The following ZFHX2 variants were observed in gnomAD, a reference collection of about 807,000 sequenced individuals.
The protein encoded by ZFHX2 is zinc finger homeobox 2, also known as zinc finger homeobox protein 2.
In ZFHX2, 75 loss-of-function variants were observed where a neutral mutation model predicts 164.8. That is an observed-to-expected ratio of 0.46 (90% confidence interval 0.38 to 0.55). The LOEUF (loss-of-function observed/expected upper bound fraction) is 0.55. Ranked by LOEUF, ZFHX2 falls within the 20% of genes least tolerant of loss-of-function variation. ZFHX2 has a pLI of 0.00. For synonymous variants in ZFHX2, 1,217 were observed against 1,351.4 expected, an observed-to-expected ratio of 0.90 and a Z score of 2.18; for missense variants, 2,933 against 3,308.0, an observed-to-expected ratio of 0.89 and a Z score of 2.78.
chr14:23,531,138 G>T, intron 4 of ZFHX2: 1 of 197,730 alleles, frequency 5.1e-6, no homozygotes, highest in Non-Finnish European at 1.0e-5. Flanking sequence ...CACAAAACAG[G>T]TTCTCTCTCC....
intron 6 of ZFHX2, 78 bp downstream of exon 6, chr14:23,529,632 G>A (rs946813201): frequency 1.3e-5 from 18 of 1,337,562 alleles, no homozygotes; most frequent in Admixed American, 2.0e-5. Context: ...ACAAAATTAC[G>A]TCTGCCTTTA....
chr14:23,553,343 T>A (rs1316658445), upstream of ZFHX2, among the ~76,000 whole-genome samples: 1 of 152,198 alleles, frequency 6.6e-6, no homozygotes, highest in Admixed American at 6.5e-5. Flanking sequence ...CTCACTCCTG[T>A]AATCCCAGCA....
chr14:23,537,305 C>A (rs536390391), intron 1 of ZFHX2, among the ~76,000 whole-genome samples: 1 of 152,172 alleles, frequency 6.6e-6, no homozygotes, highest in South Asian at 2.1e-4. Flanking sequence ...ATACTTCCCC[C>A]AAGGTCCCAG....
Position 23,525,750 on chromosome 14 carries a change from G to A in ZFHX2, c.4192C>T (p.Pro1398Ser), listed in dbSNP as rs746572374. ...GCCAGCTCAGCCTTGGGAGGTTGGG[G>A]TGGAGGAGGAGGGGTGGCAGCTGGC... is the stretch of plus-strand genomic sequence containing the variant. ...SLPAATPPPP[P>S]QPPKAELAER... The change falls in exon 9 of 10, where the codon CCC becomes TCC. Residue 1398 changes from proline (P) to serine (S), a missense_variant. By Grantham distance (74) the Pro-to-Ser change is moderately conservative. Transcript: ENST00000419474. This position sits in a 1 kb window ranked among gnomAD's most constrained non-coding sequence, Gnocchi z 5.9. 1.5e-5 allele frequency: 23 copies of A among 1,509,194 alleles called. No homozygotes were observed. The Middle Eastern group carries it at 6.9e-4, about 45-fold the overall frequency. 93.5% of individuals were successfully genotyped at this position (1,509,194 alleles called of 1,614,324 possible).
Position 23,533,659 on chromosome 14 carries a change from G to A in ZFHX2, c.1667C>T (p.Pro556Leu). The A allele has an allele frequency of 6.5e-7, 1 of 1,537,412 alleles. No homozygotes were observed. The change falls in exon 2 of 10, where the codon CCC becomes CTC. Residue 556 changes from proline to leucine, a missense_variant. Transcript: ENST00000419474. The surrounding 1 kb of genome is among the most constrained non-coding windows in gnomAD (Gnocchi z 4.8). ...QGSPPEASLP[P>L]SAGDKEPKTK... ...CTTAGGCTCTTTGTCTCCCGCGGAG[G>A]GTGGGAGTGATGCCTCTGGTGGACT...
intron 1 of ZFHX2, among the ~76,000 whole-genome samples, chr14:23,537,258 C>A (rs571529365): frequency 3.3e-4 from 50 of 152,102 alleles, no homozygotes; most frequent in South Asian, 1.2e-3. Flanking sequence ...CAGGAACCTC[C>A]CCCTCAAACT....
At position 23,522,211 on chromosome 14, in the gene ZFHX2, C is replaced by G. The variant is rs1433181678; in HGVS notation, c.7470G>C (p.Val2490=). 4.1e-6 allele frequency: 6 copies of G among 1,480,264 alleles called. No individual in the cohort carries two copies. Among genetic ancestry groups the G allele is most frequent in the Non-Finnish European group, 5.4e-6 (6 of 1,118,076 alleles). 91.7% of individuals were successfully genotyped at this position (1,480,264 alleles called of 1,614,324 possible). A position where few individuals can be genotyped will look rare whatever the true frequency, so the allele number is the denominator to read the frequency against. Residue 2490 remains valine (V), a synonymous_variant, in exon 10 of 10, where the codon GTG becomes GTC. Transcript: ENST00000419474. ...SGGSMPPPLR[V]PICTYHCLAC... The stretch of plus-strand genomic sequence containing the variant: ...CCAGGCAGTGGTAGGTGCAGATGGG[C>G]ACCCGCAATGGGGGTGGCATGGAGC...
chr14:23,548,867 G>A (rs1261142260), intron 1 of ZFHX2, among the ~76,000 whole-genome samples: 4 of 152,040 alleles, frequency 2.6e-5, no homozygotes, highest in South Asian at 2.1e-4. Flanking sequence ...CAGTGCTCTC[G>A]CTCTCTTCGC....
chr14:23,535,418 A>AC lies in ZFHX2; in HGVS notation c.-49-45dup. 7.2e-7 allele frequency: 1 copy of AC among 1,382,332 alleles called. No individual in the cohort carries two copies. The highest frequency in any genetic ancestry group is 9.4e-7 in the Non-Finnish European group (1 of 1,067,040). 85.6% of individuals were successfully genotyped at this position (1,382,332 alleles called of 1,614,324 possible). A position where few individuals can be genotyped will look rare whatever the true frequency, so the allele number is the denominator to read the frequency against. ...AGAGCAGTGCTGTGAGGCTGCAGGG[A>AC]CCCCAGCTGGGCAGCTGGATCTCTG... On this transcript the variant is annotated intron_variant, in intron 1 of 9. Transcript: ENST00000419474. The surrounding 1 kb of genome is among the most constrained non-coding windows in gnomAD (Gnocchi z 4.5).
At chr14:23,552,633 ACTCTGTCGCC>A (rs1882062034), upstream of ZFHX2, among the ~76,000 whole-genome samples, 2 of 150,530 alleles carry the variant, frequency 1.3e-5, no homozygotes, top group Admixed American at 1.3e-4. Flanking sequence ...AGACAGAGTC[ACTCTGTCGCC>A]CAGGCTGCAG....
chr14:23,534,070 T>C lies in ZFHX2; in HGVS notation c.1256A>G (p.Tyr419Cys). 1 of 1,523,760 alleles carries C rather than the reference T, an allele frequency of 6.6e-7. No homozygotes were observed. The highest frequency in any genetic ancestry group is 8.8e-7 in the Non-Finnish European group (1 of 1,139,496). The allele number at this position is 1,523,760 out of a possible 1,614,324, so 94.4% of individuals were successfully genotyped here. Reference protein sequence around the residue: ...PEDPSDPPQPYRLADDYTPAP... With the variant: ...PEDPSDPPQPCRLADDYTPAP... ...TGGGGTGTAGTCATCAGCTAGGCGA[T>C]AGGGCTGGGGTGGGTCACTGGGGTC... is the stretch of plus-strand genomic sequence containing the variant. The change falls in exon 2 of 10, where the codon TAT becomes TGT. Residue 419 changes from tyrosine (Y) to cysteine (C), a missense_variant. Coordinates refer to ENST00000419474, the MANE Select transcript of ZFHX2 (RefSeq NM_033400.3). The surrounding 1 kb of genome is among the most constrained non-coding windows in gnomAD (Gnocchi z 4.5).
chr14:23,525,132 C>T lies in ZFHX2; in HGVS notation c.4810G>A (p.Glu1604Lys). 1 of 1,536,184 alleles carries T rather than the reference C, an allele frequency of 6.5e-7. No homozygotes were observed. Among genetic ancestry groups the T allele is most frequent in the South Asian group, 1.2e-5 (1 of 84,068 alleles). ...GRRFSRTKFTEFQTQALQSFF... is the reference protein window; with the variant it reads ...GRRFSRTKFTKFQTQALQSFF... ...GACTGCAGGGCTTGGGTCTGGAACT[C>T]TGTGAACTTGGTTCTGGAGAACCGG... The change falls in exon 9 of 10, where the codon GAG becomes AAG. Residue 1604 changes from glutamate (E) to lysine (K), a missense_variant. Transcript: ENST00000419474. This position sits in a 1 kb window ranked among gnomAD's most constrained non-coding sequence, Gnocchi z 5.9.
upstream of ZFHX2, among the ~76,000 whole-genome samples, chr14:23,552,113 C>T (rs1366208268): frequency 6.6e-6 from 1 of 152,070 alleles, no homozygotes; most frequent in African/African-American, 2.4e-5. Flanking sequence ...ATTATTCCGC[C>T]TCCCCCATCT....
chr14:23,555,231 T>C (rs1343557673), upstream of ZFHX2, among the ~76,000 whole-genome samples: 1 of 152,126 alleles, frequency 6.6e-6, no homozygotes, highest in East Asian at 1.9e-4. Context: ...ACTCCTGACC[T>C]CAGGTGATTC....
At position 23,529,696 on chromosome 14, in the gene ZFHX2, AC is replaced by A. The variant is rs1237998423; in HGVS notation, c.2934+13del. 3 of 1,535,726 alleles carry A rather than the reference AC, an allele frequency of 2.0e-6. No homozygotes were observed. Among genetic ancestry groups the A allele is most frequent in the Admixed American group, 3.9e-5 (2 of 50,992 alleles). On this transcript the variant is annotated intron_variant, in intron 6 of 9. Transcript: ENST00000419474. The stretch of plus-strand genomic sequence containing the variant: ...GCCCCCACTTCAGCTCTTCCCAGTT[AC>A]CCCAATTCTGACCGTGGTCTGGTTG...
At position 23,526,387 on chromosome 14, in the gene ZFHX2, G is replaced by T; in HGVS notation, c.3555C>A (p.Leu1185=). 1 of 1,536,322 alleles carries T rather than the reference G, an allele frequency of 6.5e-7. No homozygotes were observed. The highest frequency in any genetic ancestry group is 1.2e-5 in the South Asian group (1 of 84,046). Reference sequence around the variant, plus strand: ...TGCACTTATAGGGCCGGGCAGGGTCGAGAAACTTGTCCAGGGCAAAGTTGG... The same window carrying T: ...TGCACTTATAGGGCCGGGCAGGGTCTAGAAACTTGTCCAGGGCAAAGTTGG... ...KTTNFALDKF[L]DPARPYKCTV... The change falls in exon 9 of 10, where the codon CTC becomes CTA. Residue 1185 remains leucine (L), a synonymous_variant. Coordinates refer to ENST00000419474, the MANE Select transcript of ZFHX2 (RefSeq NM_033400.3).
Position 23,529,560 on chromosome 14 carries a change from G to T in ZFHX2, c.2934+150C>A, listed in dbSNP as rs187793418. ...CTGCCCCCGAAAGTGCTGAACATGT[G>T]GAACTGGATCTGGGTGGAATTTCTT... On this transcript the variant is annotated intron_variant, in intron 6 of 9. Transcript: ENST00000419474. 1.5e-3 allele frequency: 1,228 copies of T among 793,018 alleles called. 22 individuals are homozygous for T. The Admixed American group carries it at 0.023, about 15-fold the overall frequency. 49.1% of individuals were successfully genotyped at this position (793,018 alleles called of 1,614,324 possible).
At chr14:23,528,565 C>T (rs1228921066) in intron 6 of ZFHX2, 1 of 978,656 alleles carries the variant, frequency 1.0e-6, no homozygotes, top group Non-Finnish European at 1.2e-6. Flanking sequence ...TTTTCTGGAC[C>T]CAGAGGCTCC....
intron 1 of ZFHX2, chr14:23,543,967 A>G (rs889484599): frequency 6.6e-6 from 1 of 152,104 alleles, no homozygotes; most frequent in African/African-American, 2.4e-5. Flanking sequence ...CTTCATATAG[A>G]GAATGGGGCA....
Sources: allele counts gnomAD v4.1 joint callset (sites outside exome capture counted in the v4.1 genomes callset), GRCh38; gene constraint gnomAD v4.1.1; non-coding constraint Gnocchi (gnomAD v3.1); transcripts MANE v1.5; gene names NCBI Gene and HGNC (gene_info 2026-07-23, HGNC 2026-07-21).